The following FOXN3 variants were observed in gnomAD, a reference collection of about 807,000 sequenced individuals.
FOXN3 encodes the protein forkhead box N3.
FOXN3 carries 7 observed loss-of-function variants against 38.4 expected under a neutral mutation model. The observed-to-expected ratio is 0.18, with a 90% confidence interval of 0.10 to 0.34. The LOEUF is 0.34. Among genes scored for constraint, FOXN3 ranks in the 10% least tolerant of loss-of-function variants. The pLI, the probability that FOXN3 is intolerant of heterozygous loss-of-function variation, is 1.00. For synonymous variants in FOXN3, 230 were observed against 242.2 expected, an observed-to-expected ratio of 0.95 and a Z score of 0.47; for missense variants, 456 against 613.4, an observed-to-expected ratio of 0.74 and a Z score of 2.71.
At chr14:89,261,812 C>T (rs971756715) in intron 4 of FOXN3, among the ~76,000 whole-genome samples, 2 of 152,190 alleles carry the variant, frequency 1.3e-5, no homozygotes, top group African/African-American at 2.4e-5. Flanking sequence ...CCTATAGTCC[C>T]AGCTAGTCGG....
At chr14:89,497,404 C>CTT (rs71107518) in intron 1 of FOXN3, among the ~76,000 whole-genome samples, 2 of 86,898 alleles carry the variant, frequency 2.3e-5, no homozygotes, top group South Asian at 3.8e-4. Context: ...GTATAAATAT[C>CTT]TTTTTTTTTT....
intron 1 of FOXN3, among the ~76,000 whole-genome samples, chr14:89,595,604 A>T (rs1399818345): frequency 6.6e-6 from 1 of 152,208 alleles, no homozygotes; most frequent in African/African-American, 2.4e-5. Flanking sequence ...ATTTATTTTG[A>T]ATTTTCTTTA....
intron 1 of FOXN3, among the ~76,000 whole-genome samples, chr14:89,531,165 G>A (rs1330947915): frequency 6.7e-6 from 1 of 149,816 alleles, no homozygotes; most frequent in African/African-American, 2.5e-5. Context: ...ATATATATAT[G>A]TGTATAAATG....
intron 1 of FOXN3, chr14:89,494,331 C>G (rs1893637523): frequency 6.6e-6 from 1 of 152,172 alleles, no homozygotes; most frequent in African/African-American, 2.4e-5. Flanking sequence ...CATCTTCTTT[C>G]TCCTTTAGTC....
chr14:89,282,547 T>C (rs934781069), intron 3 of FOXN3, among the ~76,000 whole-genome samples: 5 of 152,326 alleles, frequency 3.3e-5, no homozygotes, highest in Admixed American at 3.3e-4. Context: ...CTTAAGATTA[T>C]CTTTTAACAA....
At chr14:89,359,695 G>A (rs1889379453) in intron 2 of FOXN3, among the ~76,000 whole-genome samples, 1 of 152,154 alleles carries the variant, frequency 6.6e-6, no homozygotes, top group Admixed American at 6.5e-5. Context: ...GGCAGTCCAG[G>A]GCTTCCTAGA....
At chr14:89,354,620 C>G (rs950983298) in intron 2 of FOXN3, among the ~76,000 whole-genome samples, 1 of 150,438 alleles carries the variant, frequency 6.6e-6, no homozygotes, top group African/African-American at 2.4e-5. Flanking sequence ...TTTGGGAGGC[C>G]GAGGTGGGTG....
In FOXN3 at chr14:89,355,056, A is replaced by G. The variant is rs1208112118; in HGVS notation, c.544-4248T>C. ...ATTACATGGAAAAATGAGTAAAAAA[A>G]ATTATGGATGAGCCCAAGTTTCTTT... is the stretch of plus-strand genomic sequence containing the variant. On this transcript the variant is annotated intron_variant, in intron 2 of 5. Transcript: ENST00000557258. 9 of 151,972 alleles carry G rather than the reference A, an allele frequency of 5.9e-5. No homozygotes were observed. In the East Asian group the frequency reaches 1.5e-3, roughly 26 times the overall value. The allele number at this position is 151,972 out of a possible 1,614,324, so 9.4% of individuals were successfully genotyped here. A position where few individuals can be genotyped will look rare whatever the true frequency, so the allele number is the denominator to read the frequency against.
chr14:89,449,484 A>G (rs576226601), intron 1 of FOXN3, among the ~76,000 whole-genome samples: 1 of 152,370 alleles, frequency 6.6e-6, no homozygotes, highest in East Asian at 1.9e-4. Flanking sequence ...TATCCATGAA[A>G]GAAATTTAAT....
chr14:89,368,160 C>A (rs899845528), intron 2 of FOXN3, among the ~76,000 whole-genome samples: 1 of 151,522 alleles, frequency 6.6e-6, no homozygotes, highest in Non-Finnish European at 1.5e-5. Context: ...GAAACCCCGT[C>A]TCTACTAAAA....
intron 2 of FOXN3, among the ~76,000 whole-genome samples, chr14:89,360,628 A>G (rs1039639999): frequency 4.0e-5 from 6 of 151,474 alleles, no homozygotes; most frequent in African/African-American, 1.5e-4. Context: ...GAAGGAAGGA[A>G]GGCTGGGGCA....
At chr14:89,325,317 C>G (rs1596185344) in intron 3 of FOXN3, among the ~76,000 whole-genome samples, 129 of 66,302 alleles carry the variant, frequency 1.9e-3, no homozygotes, top group South Asian at 4.4e-3. Context: ...CCACCACGAC[C>G]ACCACCACCA....
intron 1 of FOXN3, among the ~76,000 whole-genome samples, chr14:89,520,665 C>T (rs1231820356): frequency 6.6e-6 from 1 of 152,120 alleles, no homozygotes; most frequent in Non-Finnish European, 1.5e-5. Context: ...TAAAGATAAC[C>T]GCTTCAAACA....
At chr14:89,384,283 C>T (rs1007881625) in intron 2 of FOXN3, among the ~76,000 whole-genome samples, 9 of 151,994 alleles carry the variant, frequency 5.9e-5, no homozygotes, top group East Asian at 1.9e-4. Flanking sequence ...CTCACCTCTG[C>T]GCCCACCAGC....
At chr14:89,283,687 T>C (rs1886529811) in intron 3 of FOXN3, among the ~76,000 whole-genome samples, 1 of 151,936 alleles carries the variant, frequency 6.6e-6, no homozygotes, top group African/African-American at 2.4e-5. Context: ...ATCACTGCCA[T>C]GAGAAATGAC....
chr14:89,505,488 G>A (rs1339115624), intron 1 of FOXN3, among the ~76,000 whole-genome samples: 1 of 152,168 alleles, frequency 6.6e-6, no homozygotes, highest in Non-Finnish European at 1.5e-5. Flanking sequence ...TGTTGGCCGG[G>A]CTGGTCTCCA....
chr14:89,587,271 T>A (rs932445589), intron 1 of FOXN3, among the ~76,000 whole-genome samples: 14 of 152,380 alleles, frequency 9.2e-5, no homozygotes, highest in African/African-American at 3.4e-4. Flanking sequence ...CCAATTTAAA[T>A]GTTAATCTCT....
intron 3 of FOXN3, among the ~76,000 whole-genome samples, chr14:89,339,527 T>C (rs1888556732): frequency 6.6e-6 from 1 of 152,220 alleles, no homozygotes; most frequent in South Asian, 2.1e-4. Context: ...TCTCGGATCC[T>C]GCTCCTTCCA....
chr14:89,226,390 C>G (rs1596115474), intron 4 of FOXN3, among the ~76,000 whole-genome samples: 1 of 152,060 alleles, frequency 6.6e-6, no homozygotes, highest in Non-Finnish European at 1.5e-5. Context: ...CATGCCCAGA[C>G]AAGTTTTAAA....
Sources: gnomAD v4.1 joint callset for allele counts (sites outside exome capture counted in the v4.1 genomes callset) on GRCh38, gnomAD v4.1.1 for gene constraint, MANE v1.5 for transcripts, NCBI Gene and HGNC (gene_info 2026-07-23, HGNC 2026-07-21) for gene names.